LHX3: variants seen among roughly 807,000 people sequenced by gnomAD.
LHX3 encodes the protein LIM homeobox 3.
In LHX3, 21 loss-of-function variants were observed where a neutral mutation model predicts 32.4. That is an observed-to-expected ratio of 0.65 (90% CI 0.46 to 0.93). The LOEUF (loss-of-function observed/expected upper bound fraction) is 0.93. Among genes scored for constraint, LHX3 ranks in the 40% least tolerant of loss-of-function variants. LHX3 has a pLI of 0.00. For synonymous variants in LHX3, 258 were observed against 246.8 expected, an observed-to-expected ratio of 1.05 and a Z score of -0.43; for missense variants, 626 against 560.0, an observed-to-expected ratio of 1.12 and a Z score of -1.19.
Position 136,197,429 on chromosome 9 carries a change from T to A in LHX3, c.1090A>T (p.Asn364Tyr), listed in dbSNP as rs756762698. Reference sequence around the variant, plus strand: ...GTGGATAGGTCAGAACTGGGTCCGTTCCCTGCCAGCACCCTCATGGGTGGG... The same window carrying A: ...GTGGATAGGTCAGAACTGGGTCCGTACCCTGCCAGCACCCTCATGGGTGGG... ...GPPPMRVLAG[N>Y]GPSSDLSTGS... The change falls in exon 6 of 6, where the codon AAC (asparagine) becomes TAC (tyrosine). Residue 364 changes from asparagine to tyrosine, a missense_variant. Asn to Tyr is a moderately radical substitution (Grantham distance 143, BLOSUM62 -2). Transcript: ENST00000371748. 6 of 1,597,684 alleles carry A rather than the reference T, an allele frequency of 3.8e-6. No individual in the cohort carries two copies. In the East Asian group the frequency reaches 1.4e-4, roughly 36 times the overall value.
intron 2 of LHX3, 36 bp from the exon 3 acceptor site, chr9:136,199,916 C>G: frequency 6.5e-7 from 1 of 1,549,080 alleles, no homozygotes; most frequent in Non-Finnish European, 8.7e-7. Flanking sequence ...AGCGCGGAAG[C>G]GCGAGGCTCA....
At chr9:136,200,420 A>T in intron 2 of LHX3, 162 bp downstream of exon 2, 1 of 767,562 alleles carries the variant, frequency 1.3e-6, no homozygotes, top group East Asian at 2.7e-5. Flanking sequence ...CCCCACCCTT[A>T]ATTTGGCCAG....
In LHX3 at chr9:136,199,691, G is replaced by T. The variant is rs200521449; in HGVS notation, c.441C>A (p.Thr147=). The T allele has an allele frequency of 6.2e-7, 1 of 1,612,854 alleles. No homozygotes were observed. Among genetic ancestry groups the T allele is most frequent in the East Asian group, 2.2e-5 (1 of 44,868 alleles). ...CCCTCGGCTGACCTCGCTGCTTGGC[G>T]GTTTCGTAGTCCGCCTTGCACACGA... ...SRLVCKADYE[T]AKQREAEATA... Residue 147 remains threonine, a synonymous_variant, in exon 3 of 6, where the codon ACC becomes ACA. Transcript: ENST00000371748.
chr9:136,199,940 G>C (rs777259740), intron 2 of LHX3, 60 bp from the exon 3 acceptor site: 154 of 1,512,876 alleles, frequency 1.0e-4, no homozygotes, highest in South Asian at 2.9e-4. Flanking sequence ...CGCCCCGAGC[G>C]GGTTGGAGAG....
In LHX3 at chr9:136,198,641, C is replaced by T. The variant is rs1311745347; in HGVS notation, c.775+11G>A. 1.9e-6 allele frequency: 3 copies of T among 1,574,842 alleles called. No individual in the cohort carries two copies. In the Admixed American group the frequency reaches 5.5e-5, roughly 29 times the overall value. On this transcript the variant is annotated intron_variant, in intron 5 of 5. Coordinates refer to ENST00000371748, the MANE Select transcript of LHX3 (RefSeq NM_178138.6). The stretch of plus-strand genomic sequence containing the variant: ...TCGTCCCCCCCCGAGCTCCGCGATC[C>T]CTCCGCCTACCGGGGAAGGAGACCT...
chr9:136,200,232 T>C, intron 2 of LHX3: 2 of 550,532 alleles, frequency 3.6e-6, no homozygotes, highest in Admixed American at 3.1e-5. Context: ...GTGCCAGCAT[T>C]AGGAACTAAA....
chr9:136,198,376 A>AC (rs536412681), intron 5 of LHX3, among the ~76,000 whole-genome samples: 37 of 150,816 alleles, frequency 2.5e-4, no homozygotes, highest in African/African-American at 4.4e-4. Flanking sequence ...GGACACGCCC[A>AC]CCCCCCCATG....
intron 5 of LHX3, 85 bp downstream of exon 5, chr9:136,198,567 T>C: frequency 6.9e-7 from 1 of 1,443,160 alleles, no homozygotes; most frequent in Non-Finnish European, 9.4e-7. Context: ...CCATGGGAAA[T>C]TCAGATCCGC....
chr9:136,199,715 G>C lies in LHX3; in HGVS notation c.417C>G (p.Leu139=). 1 of 1,612,878 alleles carries C rather than the reference G, an allele frequency of 6.2e-7. No homozygotes were observed. The highest frequency in any genetic ancestry group is 8.5e-7 in the Non-Finnish European group (1 of 1,179,894). The change falls in exon 3 of 6, where the codon CTC becomes CTG. Residue 139 remains leucine, a synonymous_variant. Coordinates refer to ENST00000371748, the MANE Select transcript of LHX3 (RefSeq NM_178138.6). Reference sequence around the variant, plus strand: ...CGGTTTCGTAGTCCGCCTTGCACACGAGCCGGCTGTCCTCCATGAGGTAGA... The same window carrying C: ...CGGTTTCGTAGTCCGCCTTGCACACCAGCCGGCTGTCCTCCATGAGGTAGA... ...DEFYLMEDSR[L]VCKADYETAK...
Position 136,196,936 on chromosome 9 carries a change from T to G in LHX3, c.*389A>C. The G allele has an allele frequency of 3.7e-6, 1 of 268,860 alleles. No individual in the cohort carries two copies. 16.7% of individuals were successfully genotyped at this position (268,860 alleles called of 1,614,324 possible). ...TGGAGCCTGGGAAGTGAAAGCACAA[T>G]TATGATGATTTCTCAGTTTTAGAGA... On this transcript the variant is annotated 3_prime_UTR_variant, in exon 6 of 6. Coordinates refer to ENST00000371748, the MANE Select transcript of LHX3 (RefSeq NM_178138.6).
intron 5 of LHX3, 28 bp downstream of exon 5, chr9:136,198,624 C>CA (rs1210237749): frequency 2.6e-6 from 4 of 1,558,414 alleles, no homozygotes; most frequent in Non-Finnish European, 2.6e-6. Flanking sequence ...GCTCGTCCCC[C>CA]CCCGAGCTCC....
At position 136,197,750 on chromosome 9, in the gene LHX3, C is replaced by G; in HGVS notation, c.776-7G>C. ...TCCGCCAAGGAAGGCTCATCTGCAA[C>G]AGAAGCAGAGGCTCAGTCAGCGCCT... On this transcript the variant is annotated splice_region_variant and splice_polypyrimidine_tract_variant and intron_variant, in intron 5 of 5. Transcript: ENST00000371748. 6.2e-7 allele frequency: 1 copy of G among 1,600,144 alleles called. No individual in the cohort carries two copies. Among genetic ancestry groups the G allele is most frequent in the Non-Finnish European group, 8.5e-7 (1 of 1,179,674 alleles).
intron 1 of LHX3, chr9:136,201,427 T>G: frequency 8.1e-7 from 1 of 1,227,542 alleles, no homozygotes. Context: ...CCGCTGCTTC[T>G]GCCCCCCACA....
rs78344482 is a variant in LHX3, at chr9:136,201,175, G to A, written c.80-422C>T. ...GGTCTTCACCATCACCTGGAGCTGG[G>A]GCACCCCATCGGGTCTCCTTCATGT... On this transcript the variant is annotated intron_variant, in intron 1 of 5. Transcript: ENST00000371748. The A allele has an allele frequency of 1.8e-4, 251 of 1,361,248 alleles. No individual in the cohort carries two copies. In the East Asian group the frequency reaches 5.1e-3, roughly 28 times the overall value. 84.3% of individuals were successfully genotyped at this position (1,361,248 alleles called of 1,614,324 possible). A position where few individuals can be genotyped will look rare whatever the true frequency, so the allele number is the denominator to read the frequency against.
At chr9:136,201,120 C>T (rs183274874) in intron 1 of LHX3, 146 of 1,398,744 alleles carry the variant, frequency 1.0e-4, no homozygotes, top group Non-Finnish European at 1.3e-4. Flanking sequence ...GATCTGCTCT[C>T]TGAAGCCCGG....
intron 1 of LHX3, among the ~76,000 whole-genome samples, chr9:136,203,365 C>T (rs1215812150): frequency 6.6e-6 from 1 of 152,082 alleles, no homozygotes; most frequent in Non-Finnish European, 1.5e-5. Context: ...AAGGGAGGGC[C>T]CAGGTCAGGG....
intron 1 of LHX3, chr9:136,201,058 C>A: frequency 8.3e-7 from 1 of 1,199,876 alleles, no homozygotes; most frequent in Non-Finnish European, 1.1e-6. Flanking sequence ...AAAATGTTGC[C>A]AGTGCCAAGA....
chr9:136,200,627 C>T lies in LHX3; in HGVS notation c.206G>A (p.Cys69Tyr). The change falls in exon 2 of 6, where the codon TGC (cysteine) becomes TAC (tyrosine). Residue 69 changes from cysteine (C) to tyrosine (Y), a missense_variant. By Grantham distance (194) the Cys-to-Tyr change is radical. Transcript: ENST00000371748. ...SDCHTPLAER[C>Y]FSRGESVYCK... ...GTAAACGCTCTCCCCTCGGCTGAAG[C>T]AGCGCTCGGCCAGTGGCGTGTGGCA... 6.2e-7 allele frequency: 1 copy of T among 1,613,640 alleles called. No individual in the cohort carries two copies. The highest frequency in any genetic ancestry group is 1.1e-5 in the South Asian group (1 of 91,090).
chr9:136,197,797 A>G lies in LHX3; in HGVS notation c.776-54T>C, dbSNP rs555313487. The stretch of plus-strand genomic sequence containing the variant: ...GCCTGCCCTCCACCTGCGGCCCCTC[A>G]GAGTCCCATCCTGCAGGCGGAGGCA... On this transcript the variant is annotated intron_variant, in intron 5 of 5. Coordinates refer to ENST00000371748, the MANE Select transcript of LHX3 (RefSeq NM_178138.6). 56 of 1,584,154 alleles carry G rather than the reference A, an allele frequency of 3.5e-5. No individual in the cohort carries two copies. The African/African-American group carries it at 6.6e-4, about 19-fold the overall frequency.
Sources: gnomAD v4.1 joint callset for allele counts (sites outside exome capture counted in the v4.1 genomes callset) on GRCh38, gnomAD v4.1.1 for gene constraint, MANE v1.5 for transcripts, NCBI Gene and HGNC (gene_info 2026-07-23, HGNC 2026-07-21) for gene names.